Variants in DNAH6 observed in about 807,000 individuals in gnomAD.
DNAH6 encodes dynein axonemal heavy chain 6, also known as axonemal beta dynein heavy chain 6.
In DNAH6, 340 loss-of-function variants were observed where a neutral mutation model predicts 491.4. The observed-to-expected ratio is 0.69, with a 90% CI of 0.63 to 0.76. The LOEUF is 0.76. Among genes scored for constraint, DNAH6 ranks in the 30% least tolerant of loss-of-function variants. The pLI, the probability that DNAH6 is intolerant of heterozygous loss-of-function variation, is 0.00. For missense variants in DNAH6, 4,443 were observed against 4,972.2 expected, an observed-to-expected ratio of 0.89 and a Z score of 3.20; for synonymous variants, 1,603 against 1,686.1, an observed-to-expected ratio of 0.95 and a Z score of 1.21.
intron 59 of DNAH6, 71 bp from the exon 60 acceptor site, chr2:84,722,554 G>T (rs935581995): frequency 1.5e-6 from 2 of 1,294,148 alleles, no homozygotes; most frequent in African/African-American, 1.5e-5. Context: ...GACCTAACTG[G>T]ATACATTCCA....
Position 84,745,151 on chromosome 2 carries a change from A to G in DNAH6, c.10414A>G (p.Met3472Val). The change falls in exon 63 of 77, where the codon ATG becomes GTG. Residue 3472 changes from methionine to valine, a missense_variant. Met to Val is a conservative substitution (Grantham distance 21). Transcript: ENST00000389394. ...YSKMKHEDKH[M>V]RQEKEAAHQD... Reference sequence around the variant, plus strand: ...TAAAATGAAACACGAAGATAAACACATGAGACAGGAAAAGGAGGCAGCACA... The same window carrying G: ...TAAAATGAAACACGAAGATAAACACGTGAGACAGGAAAAGGAGGCAGCACA... 13 of 1,549,886 alleles carry G rather than the reference A, an allele frequency of 8.4e-6. No homozygotes were observed. Among genetic ancestry groups the G allele is most frequent in the Non-Finnish European group, 1.0e-5 (12 of 1,145,944 alleles).
At chr2:84,708,686 A>T (rs1696753474) in intron 54 of DNAH6, among the ~76,000 whole-genome samples, 1 of 152,186 alleles carries the variant, frequency 6.6e-6, no homozygotes, top group East Asian at 1.9e-4. Flanking sequence ...TCAGAGAATA[A>T]AAGTTTCATC....
intron 45 of DNAH6, among the ~76,000 whole-genome samples, chr2:84,690,248 C>T (rs1343882318): frequency 6.6e-6 from 1 of 152,036 alleles, no homozygotes; most frequent in East Asian, 1.9e-4. Context: ...TCACATAAAC[C>T]ATAAGCAAAT....
intron 4 of DNAH6, among the ~76,000 whole-genome samples, chr2:84,530,570 A>G (rs1181390139): frequency 6.6e-6 from 1 of 152,156 alleles, no homozygotes; most frequent in Non-Finnish European, 1.5e-5. Context: ...TTGGGCAGAA[A>G]AGTGTCACGA....
Position 84,553,218 on chromosome 2 carries a change from ATTATCT to A in DNAH6, c.1602+188_1602+193del, listed in dbSNP as rs534714429. On this transcript the variant is annotated intron_variant, in intron 10 of 76. Transcript: ENST00000389394. ...TATAAACTATCTAAAAGTTTAGCAC[ATTATCT>A]TTAACTTGAGTCAGATTAGAGGCTT... Among the ~76,000 whole-genome samples the A allele has an allele frequency of 2.0e-4, 31 of 152,342 alleles. No homozygotes were observed. The South Asian group carries it at 6.2e-3, about 31-fold the overall frequency.
the DNAH6 span, among the ~76,000 whole-genome samples, chr2:84,491,642 GC>G: frequency 6.6e-6 from 1 of 152,166 alleles, no homozygotes; most frequent in Admixed American, 6.5e-5. Flanking sequence ...GTCTGGGACT[GC>G]AGAAGAAGTG....
intron 4 of DNAH6, among the ~76,000 whole-genome samples, chr2:84,542,599 G>A (rs1678366142): frequency 6.6e-6 from 1 of 152,012 alleles, no homozygotes; most frequent in South Asian, 2.1e-4. Flanking sequence ...CTCCTTGCAG[G>A]CTCACATGAA....
At chr2:84,717,234 T>C (rs1038513394) in intron 58 of DNAH6, among the ~76,000 whole-genome samples, 9 of 152,202 alleles carry the variant, frequency 5.9e-5, no homozygotes, top group Admixed American at 5.2e-4. Flanking sequence ...GATTAATGTT[T>C]CTCTCAAGCT....
intron 53 of DNAH6, 71 bp from the exon 54 acceptor site, chr2:84,707,449 A>G: frequency 7.5e-7 from 1 of 1,339,376 alleles, no homozygotes; most frequent in South Asian, 1.6e-5. Context: ...AAAAAGAAAC[A>G]GGTAAATAAG....
intron 40 of DNAH6, among the ~76,000 whole-genome samples, chr2:84,673,746 A>G (rs981511407): frequency 6.6e-6 from 1 of 152,036 alleles, no homozygotes; most frequent in African/African-American, 2.4e-5. Flanking sequence ...AGGCTAGGCC[A>G]CTCTCTTTTC....
chr2:84,577,416 T>A lies in DNAH6; in HGVS notation c.2076+8T>A. 1 of 1,552,938 alleles carries A rather than the reference T, an allele frequency of 6.4e-7. No individual in the cohort carries two copies. Among genetic ancestry groups the A allele is most frequent in the Non-Finnish European group, 8.7e-7 (1 of 1,151,170 alleles). On this transcript the variant is annotated splice_region_variant and intron_variant, in intron 13 of 76. Transcript: ENST00000389394. ...CCTTTGCGATGCTTAGAGGTAACTA[T>A]AAACTAGAAAAAAAAATAATTATTC...
Position 84,653,682 on chromosome 2 carries a change from T to C in DNAH6, c.5442T>C (p.Asp1814=), listed in dbSNP as rs1440312459. 1 of 1,551,238 alleles carries C rather than the reference T, an allele frequency of 6.4e-7. No individual in the cohort carries two copies. Among genetic ancestry groups the C allele is most frequent in the Non-Finnish European group, 8.7e-7 (1 of 1,146,714 alleles). Residue 1814 remains aspartate, a synonymous_variant, in exon 34 of 77, where the codon GAT becomes GAC. Transcript: ENST00000389394. ...EVNNLTLEWK[D]GLMALSVRAA... Reference sequence around the variant, plus strand: ...ATAACTTAACCTTGGAATGGAAAGATGGTTTGATGGCACTAAGTGTCCGAG... The same window carrying C: ...ATAACTTAACCTTGGAATGGAAAGACGGTTTGATGGCACTAAGTGTCCGAG...
At chr2:84,739,443 T>C (rs1335773856) in intron 62 of DNAH6, among the ~76,000 whole-genome samples, 1 of 152,204 alleles carries the variant, frequency 6.6e-6, no homozygotes, top group Non-Finnish European at 1.5e-5. Context: ...AAATATGTTT[T>C]CCAAGTTGCT....
Position 84,517,855 on chromosome 2 carries a change from T to C in DNAH6, c.29T>C (p.Phe10Ser). 6.4e-7 allele frequency: 1 copy of C among 1,551,698 alleles called. No homozygotes were observed. Among genetic ancestry groups the C allele is most frequent in the South Asian group, 1.2e-5 (1 of 84,010 alleles). ...ACTTTTCGGGCCACAGATAGTGAAT[T>C]TGACCTGACAAATATTGAAGAGTAT... is the stretch of plus-strand genomic sequence containing the variant. MTFRATDSE[F>S]DLTNIEEYAE... Residue 10 changes from phenylalanine (F) to serine (S), a missense_variant, in exon 2 of 77, where the codon TTT (phenylalanine) becomes TCT (serine). By Grantham distance (155) the Phe-to-Ser change is radical. This residue lies in a region of DNAH6 where 2,977 missense variants were observed against 3,296.6 expected (regional missense o/e 0.90). Transcript: ENST00000389394.
In DNAH6 at chr2:84,686,480, A is replaced by T. The variant is rs1215971947; in HGVS notation, c.7064-4A>T. Reference sequence around the variant, plus strand: ...TTTAAAACTTGGTTTTGTTCTTTAAATAGACAAACATTTTGGAATTGCAAT... The same window carrying T: ...TTTAAAACTTGGTTTTGTTCTTTAATTAGACAAACATTTTGGAATTGCAAT... On this transcript the variant is annotated splice_region_variant and splice_polypyrimidine_tract_variant and intron_variant, in intron 43 of 76. Transcript: ENST00000389394. 8.0e-6 allele frequency: 12 copies of T among 1,505,994 alleles called. No individual in the cohort carries two copies. Among genetic ancestry groups the T allele is most frequent in the Middle Eastern group, 1.7e-4 (1 of 5,862 alleles). 93.3% of individuals were successfully genotyped at this position (1,505,994 alleles called of 1,614,324 possible). A position where few individuals can be genotyped will look rare whatever the true frequency, so the allele number is the denominator to read the frequency against.
the DNAH6 span, among the ~76,000 whole-genome samples, chr2:84,463,330 A>AG: frequency 4.6e-3 from 696 of 152,274 alleles, 7 homozygotes; most frequent in Admixed American, 6.9e-3. Context: ...GGAGGGAGGG[A>AG]GGAGCTTTAA....
Position 84,699,994 on chromosome 2 carries a change from G to A in DNAH6, c.7818+260G>A, listed in dbSNP as rs139898614. 1.7e-4 allele frequency among the ~76,000 whole-genome samples: 26 copies of A among 152,292 alleles called. No individual in the cohort carries two copies. The East Asian group carries it at 4.8e-3, about 28-fold the overall frequency. ...TGTTTCAATGGATGGTGGGAGAAAGGGTTCAAGAGAGAAGAGGGGAGAGAA... is the reference window on the plus strand; with the variant it reads ...TGTTTCAATGGATGGTGGGAGAAAGAGTTCAAGAGAGAAGAGGGGAGAGAA... On this transcript the variant is annotated intron_variant, in intron 48 of 76. Transcript: ENST00000389394.
chr2:84,723,218 ACT>A (rs1401999045), intron 60 of DNAH6, among the ~76,000 whole-genome samples: 1 of 151,758 alleles, frequency 6.6e-6, no homozygotes, highest in East Asian at 1.9e-4. Flanking sequence ...ACAGAGCGAG[ACT>A]CTGTCTCAAA....
At chr2:84,532,583 C>A (rs547058801) in intron 4 of DNAH6, among the ~76,000 whole-genome samples, 21 of 152,212 alleles carry the variant, frequency 1.4e-4, no homozygotes, top group Admixed American at 1.2e-3. Flanking sequence ...CACTACCCAA[C>A]AAATGTGGTG....
Sources: gnomAD v4.1 joint callset for allele counts (sites outside exome capture counted in the v4.1 genomes callset) on GRCh38, gnomAD v4.1.1 for gene constraint, gnomAD v4.1.1 regional missense constraint, MANE v1.5 for transcripts, NCBI Gene and HGNC (gene_info 2026-07-23, HGNC 2026-07-21) for gene names.